ADAMTSL3: variants seen among roughly 807,000 people sequenced by gnomAD.
ADAMTSL3 encodes the protein ADAMTS-like protein 3.
ADAMTSL3 carries 128 observed loss-of-function variants against 201.7 expected under a neutral mutation model. The observed-to-expected ratio is 0.63, with a 90% CI of 0.55 to 0.73. The LOEUF (loss-of-function observed/expected upper bound fraction) is 0.73, where lower values mean the gene tolerates loss of function less well. ADAMTSL3 is among the 30% of genes least tolerant of loss of function. ADAMTSL3 has a pLI of 0.00. For missense variants in ADAMTSL3, 1,990 were observed against 2,119.6 expected (o/e 0.94, Z 1.20); for synonymous variants, 738 against 748.4 (o/e 0.99, Z 0.23).
intron 2 of ADAMTSL3, among the ~76,000 whole-genome samples, chr15:83,680,038 G>T (rs1470241930): frequency 6.6e-6 from 1 of 152,120 alleles, no homozygotes; most frequent in Non-Finnish European, 1.5e-5. Context: ...CTCTTTGCAG[G>T]GCAGGAGTTG....
At chr15:83,891,703 A>G (rs1046695026) in intron 12 of ADAMTSL3, among the ~76,000 whole-genome samples, 15 of 152,082 alleles carry the variant, frequency 9.9e-5, no homozygotes, top group Admixed American at 9.2e-4. Context: ...GTCCTTCCTG[A>G]CTCTGAGGTT....
chr15:83,676,929 T>C (rs2061414000), intron 2 of ADAMTSL3, among the ~76,000 whole-genome samples: 1 of 152,250 alleles, frequency 6.6e-6, no homozygotes, highest in African/African-American at 2.4e-5. Flanking sequence ...TCTCCAGAAC[T>C]GTGAGAAATA....
At chr15:83,950,837 G>T (rs1052669431) in intron 19 of ADAMTSL3, among the ~76,000 whole-genome samples, 1 of 151,914 alleles carries the variant, frequency 6.6e-6, no homozygotes, top group African/African-American at 2.4e-5. Flanking sequence ...ACTGATATTT[G>T]TATGTTAATT....
chr15:83,782,113 T>TTTATA (rs1452747741), intron 4 of ADAMTSL3, among the ~76,000 whole-genome samples: 7 of 152,136 alleles, frequency 4.6e-5, no homozygotes, highest in African/African-American at 1.7e-4. Flanking sequence ...ATAAAGACAC[T>TTTATA]TGCATGTATG....
intron 3 of ADAMTSL3, among the ~76,000 whole-genome samples, chr15:83,713,261 C>A (rs957674366): frequency 6.6e-6 from 1 of 152,202 alleles, no homozygotes; most frequent in African/African-American, 2.4e-5. Context: ...CTCAATGTCA[C>A]CTTTGATCAT....
intron 6 of ADAMTSL3, among the ~76,000 whole-genome samples, chr15:83,834,124 A>G (rs553448987): frequency 1.8e-4 from 27 of 152,356 alleles, no homozygotes; most frequent in African/African-American, 5.3e-4. Context: ...AGTGGTTGAC[A>G]GGAGCCTCAG....
At chr15:83,880,799 G>A (rs2065254905) in intron 9 of ADAMTSL3, among the ~76,000 whole-genome samples, 1 of 152,214 alleles carries the variant, frequency 6.6e-6, no homozygotes, top group Non-Finnish European at 1.5e-5. Flanking sequence ...GGGGAAACAA[G>A]ACTGAAGCCA....
At chr15:83,799,772 C>T (rs2063488883) in intron 4 of ADAMTSL3, among the ~76,000 whole-genome samples, 1 of 152,046 alleles carries the variant, frequency 6.6e-6, no homozygotes, top group Admixed American at 6.6e-5. Flanking sequence ...AAATGATGTT[C>T]TTGAATTTTC....
intron 5 of ADAMTSL3, among the ~76,000 whole-genome samples, chr15:83,808,429 A>G (rs911034831): frequency 1.3e-5 from 2 of 152,224 alleles, no homozygotes; most frequent in South Asian, 2.1e-4. Flanking sequence ...CAAAACCACT[A>G]TATCACCTCA....
At chr15:83,928,481 C>G (rs935124586) in intron 17 of ADAMTSL3, among the ~76,000 whole-genome samples, 25 of 152,152 alleles carry the variant, frequency 1.6e-4, no homozygotes, top group Non-Finnish European at 1.5e-5. Flanking sequence ...ACAACTAAAA[C>G]AGAGAAAACG....
intron 15 of ADAMTSL3, among the ~76,000 whole-genome samples, chr15:83,907,313 T>A (rs1035297017): frequency 6.6e-6 from 1 of 152,214 alleles, no homozygotes; most frequent in Non-Finnish European, 1.5e-5. Context: ...CAAACCTATA[T>A]AATTTTTATC....
chr15:83,809,013 A>G (rs2141877338), intron 5 of ADAMTSL3, among the ~76,000 whole-genome samples: 1 of 151,838 alleles, frequency 6.6e-6, no homozygotes, highest in East Asian at 1.9e-4. Context: ...AGATTGGGAG[A>G]GGTTAGTCAA....
chr15:83,655,479 C>T (rs1289558231), intron 1 of ADAMTSL3, among the ~76,000 whole-genome samples: 1 of 152,218 alleles, frequency 6.6e-6, no homozygotes, highest in African/African-American at 2.4e-5. Flanking sequence ...ATCTCAGCTT[C>T]TGAAGAGCTG....
intron 21 of ADAMTSL3, among the ~76,000 whole-genome samples, chr15:83,984,644 A>G (rs1219901368): frequency 5.9e-5 from 9 of 152,220 alleles, no homozygotes; most frequent in African/African-American, 7.2e-5. Flanking sequence ...AACATTGAAA[A>G]TATCTCCATT....
At chr15:83,883,265 C>T (rs900945647) in intron 9 of ADAMTSL3, among the ~76,000 whole-genome samples, 24 of 151,302 alleles carry the variant, frequency 1.6e-4, no homozygotes, top group Admixed American at 9.9e-4. Context: ...CTCTGCCTCC[C>T]GGGTTCAAGC....
rs185700275 is a variant in ADAMTSL3 at position 83,669,997 on chromosome 15, C to T, written c.69+14167C>T. 5.8e-3 allele frequency among the ~76,000 whole-genome samples: 880 copies of T among 150,964 alleles called. 11 individuals carry two copies. Among genetic ancestry groups the T allele is most frequent in the African/African-American group, 0.02 (819 of 41,204 alleles). Reference sequence around the variant, plus strand: ...TAGGGGCTGAGCATGGTGGCTCACGCTTGTAATCCCAGCACTTTGGGAGGC... The same window carrying T: ...TAGGGGCTGAGCATGGTGGCTCACGTTTGTAATCCCAGCACTTTGGGAGGC... On this transcript the variant is annotated intron_variant, in intron 2 of 29. Coordinates refer to ENST00000286744, the MANE Select transcript of ADAMTSL3 (RefSeq NM_207517.3).
intron 3 of ADAMTSL3, among the ~76,000 whole-genome samples, chr15:83,733,484 A>G (rs955307604): frequency 1.3e-5 from 2 of 152,104 alleles, no homozygotes; most frequent in Admixed American, 6.6e-5. Flanking sequence ...GGCTGGTGCT[A>G]GGTTCATTGT....
At chr15:83,797,272 A>G (rs901528497) in intron 4 of ADAMTSL3, among the ~76,000 whole-genome samples, 4 of 152,180 alleles carry the variant, frequency 2.6e-5, no homozygotes, top group African/African-American at 9.7e-5. Flanking sequence ...TCTGCATAGT[A>G]AAAAACAAAT....
At position 83,765,038 on chromosome 15, in the gene ADAMTSL3, C is replaced by G. The variant is rs553408855; in HGVS notation, c.190-8485C>G. Among the ~76,000 whole-genome samples, 3 of 152,234 alleles carry G rather than the reference C, an allele frequency of 2.0e-5. No homozygotes were observed. The South Asian group carries it at 6.2e-4, about 32-fold the overall frequency. On this transcript the variant is annotated intron_variant, in intron 3 of 29. Coordinates refer to ENST00000286744, the MANE Select transcript of ADAMTSL3 (RefSeq NM_207517.3). The stretch of plus-strand genomic sequence containing the variant: ...CCAAATCCTAGAGGCCATCAACTGT[C>G]AGGGTAATGAGTTTTGGAGCAGCAG...
Sources: gnomAD v4.1 joint callset for allele counts (sites outside exome capture counted in the v4.1 genomes callset) on GRCh38, gnomAD v4.1.1 for gene constraint, MANE v1.5 for transcripts, NCBI Gene and HGNC (gene_info 2026-07-23, HGNC 2026-07-21) for gene names.